Variants in PARM1 observed in about 807,000 individuals in gnomAD.
The protein encoded by PARM1 is WSC4, cell wall integrity and stress response component 4 homolog.
Under a neutral mutation model 24.6 loss-of-function variants are expected in PARM1, and 14 were observed. The ratio of observed to expected loss-of-function variants is 0.57; its 90% CI spans 0.38 to 0.89. The LOEUF (loss-of-function observed/expected upper bound fraction) is 0.89. PARM1 is among the 40% of genes least tolerant of loss of function. The pLI, the probability that PARM1 is intolerant of heterozygous loss-of-function variation, is 0.00. For missense variants in PARM1, 362 were observed against 380.4 expected (o/e 0.95, Z 0.40); for synonymous variants, 179 against 156.6 (o/e 1.14, Z -1.07).
At chr4:74,945,418 T>G (rs1721394357) in intron 1 of PARM1, among the ~76,000 whole-genome samples, 1 of 152,248 alleles carries the variant, frequency 6.6e-6, no homozygotes. Flanking sequence ...TTAAAAATCT[T>G]GATTCGAAAT....
intron 1 of PARM1, among the ~76,000 whole-genome samples, chr4:74,955,494 T>C (rs546494491): frequency 2.0e-5 from 3 of 152,382 alleles, no homozygotes; most frequent in South Asian, 2.1e-4. Context: ...ATTTTTTTCT[T>C]GGATGATCCA....
chr4:74,941,460 T>C (rs924727342), intron 1 of PARM1, among the ~76,000 whole-genome samples: 1 of 152,148 alleles, frequency 6.6e-6, no homozygotes, highest in Non-Finnish European at 1.5e-5. Context: ...ATCAAATGGC[T>C]GAATCAGGGG....
intron 1 of PARM1, among the ~76,000 whole-genome samples, chr4:74,950,842 ATT>A (rs1409270811): frequency 5.7e-5 from 8 of 139,936 alleles, no homozygotes; most frequent in East Asian, 2.1e-4. Flanking sequence ...TTGGAGGGGG[ATT>A]TTTTTTTTTT....
At chr4:75,007,789 A>G (rs1467503678) in intron 1 of PARM1, among the ~76,000 whole-genome samples, 1 of 152,170 alleles carries the variant, frequency 6.6e-6, no homozygotes, top group Non-Finnish European at 1.5e-5. Flanking sequence ...CTTATGATGG[A>G]ATTAGTGCCC....
At chr4:75,040,760 A>T (rs377634217) in intron 3 of PARM1, among the ~76,000 whole-genome samples, 1 of 152,198 alleles carries the variant, frequency 6.6e-6, no homozygotes, top group Non-Finnish European at 1.5e-5. Context: ...AATCATTCCA[A>T]CATACAAAGT....
intron 1 of PARM1, among the ~76,000 whole-genome samples, chr4:74,948,787 C>T (rs1432627820): frequency 6.6e-6 from 1 of 152,122 alleles, no homozygotes; most frequent in Non-Finnish European, 1.5e-5. Flanking sequence ...TTTTGGGAGG[C>T]CGAGGCGGGT....
At chr4:74,965,084 AGATTCCAG>A (rs1216329857) in intron 1 of PARM1, 1 of 152,224 alleles carries the variant, frequency 6.6e-6, no homozygotes, top group Non-Finnish European at 1.5e-5. Context: ...TCCACCCCCT[AGATTCCAG>A]GAACAAGACA....
chr4:74,972,626 G>A (rs1246854896), intron 1 of PARM1, among the ~76,000 whole-genome samples: 1 of 152,138 alleles, frequency 6.6e-6, no homozygotes, highest in Non-Finnish European at 1.5e-5. Flanking sequence ...GTTATATTTG[G>A]GAGACTTGTT....
At position 74,990,385 on chromosome 4, in the gene PARM1, T is replaced by G. The variant is rs565958604; in HGVS notation, c.44-22040T>G. Among the ~76,000 whole-genome samples, 6 of 152,238 alleles carry G rather than the reference T, an allele frequency of 3.9e-5. No homozygotes were observed. In the South Asian group the frequency reaches 6.2e-4, roughly 16 times the overall value. ...TGGATATCTTCATCTACAATATCAA[T>G]GTTTCCAGCTGGAAGGAGGAAAAGT... On this transcript the variant is annotated intron_variant, in intron 1 of 3. Coordinates refer to ENST00000307428, the MANE Select transcript of PARM1 (RefSeq NM_015393.4).
intron 1 of PARM1, among the ~76,000 whole-genome samples, chr4:74,934,996 CTTTTTTT>C (rs11392364): frequency 1.7e-5 from 2 of 116,558 alleles, no homozygotes; most frequent in Non-Finnish European, 1.7e-5. Context: ...GCTCTTTTTT[CTTTTTTT>C]TTTTTTTCTT....
At chr4:74,974,297 G>C (rs1722098787) in intron 1 of PARM1, among the ~76,000 whole-genome samples, 1 of 152,088 alleles carries the variant, frequency 6.6e-6, no homozygotes, top group Non-Finnish European at 1.5e-5. Context: ...GTTTAATCTG[G>C]GCACCTTTTG....
rs562252267 is a variant in PARM1 at position 74,990,327 on chromosome 4, G to A, written c.44-22098G>A. Reference sequence around the variant, plus strand: ...GGAGCAACTGCAGTAGGTCCTTGAAGGACTGACTTTCACCTATTAGATAGT... The same window carrying A: ...GGAGCAACTGCAGTAGGTCCTTGAAAGACTGACTTTCACCTATTAGATAGT... On this transcript the variant is annotated intron_variant, in intron 1 of 3. Transcript: ENST00000307428. 5.3e-5 allele frequency among the ~76,000 whole-genome samples: 8 copies of A among 152,266 alleles called. No individual in the cohort carries two copies. In the South Asian group the frequency reaches 1.4e-3, roughly 28 times the overall value.
At chr4:75,004,230 A>G (rs992585677) in intron 1 of PARM1, among the ~76,000 whole-genome samples, 1 of 152,226 alleles carries the variant, frequency 6.6e-6, no homozygotes, top group South Asian at 2.1e-4. Context: ...TTTCTACTCA[A>G]TGAATATTTA....
chr4:75,001,210 A>G (rs1722674203), intron 1 of PARM1, among the ~76,000 whole-genome samples: 1 of 152,246 alleles, frequency 6.6e-6, no homozygotes, highest in African/African-American at 2.4e-5. Context: ...AATAACCCTG[A>G]ACCAAAAACA....
At chr4:74,933,406 G>C (rs763727829) in intron 1 of PARM1, 36 bp downstream of exon 1, 25 of 1,598,446 alleles carry the variant, frequency 1.6e-5, no homozygotes, top group Non-Finnish European at 2.0e-5. Context: ...GGCAGGTCGC[G>C]GGGTGGGCCC....
chr4:75,002,415 C>T (rs17000069), intron 1 of PARM1, among the ~76,000 whole-genome samples: 30,827 of 151,940 alleles, frequency 0.2, 3,328 homozygotes, highest in East Asian at 0.36. Flanking sequence ...TTTACAAACA[C>T]CCAAACTCAA....
intron 3 of PARM1, among the ~76,000 whole-genome samples, chr4:75,042,447 T>C (rs1366054022): frequency 1.3e-5 from 2 of 152,366 alleles, no homozygotes; most frequent in Non-Finnish European, 1.5e-5. Context: ...TGTTGCCTTA[T>C]AAAGCAAGCA....
chr4:74,952,775 C>T (rs997203069), intron 1 of PARM1, among the ~76,000 whole-genome samples: 4 of 152,126 alleles, frequency 2.6e-5, no homozygotes, highest in African/African-American at 9.7e-5. Flanking sequence ...CCTTGTAGGA[C>T]AGTGGTTTTC....
intron 1 of PARM1, among the ~76,000 whole-genome samples, chr4:74,980,310 T>C (rs949554641): frequency 1.3e-5 from 2 of 152,114 alleles, no homozygotes; most frequent in Admixed American, 6.6e-5. Flanking sequence ...CAAGCATTCC[T>C]ATACACCAAT....
Sources: gnomAD v4.1 joint callset for allele counts (sites outside exome capture counted in the v4.1 genomes callset) on GRCh38, gnomAD v4.1.1 for gene constraint, MANE v1.5 for transcripts, NCBI Gene and HGNC (gene_info 2026-07-23, HGNC 2026-07-21) for gene names.